Variants in SEMA5B observed in about 807,000 individuals in gnomAD.
SEMA5B encodes the protein semaphorin-5B.
Under a neutral mutation model 135.0 loss-of-function variants are expected in SEMA5B, and 66 were observed. The ratio of observed to expected loss-of-function variants is 0.49; its 90% CI spans 0.40 to 0.60. The LOEUF (loss-of-function observed/expected upper bound fraction) is 0.60, where lower values mean the gene tolerates loss of function less well. Among genes scored for constraint, SEMA5B ranks in the 20% least tolerant of loss-of-function variants. SEMA5B has a pLI of 0.00. For missense variants in SEMA5B, 1,501 were observed against 1,566.3 expected (o/e 0.96, Z 0.70); for synonymous variants, 690 against 639.5 (o/e 1.08, Z -1.19).
intron 1 of SEMA5B, among the ~76,000 whole-genome samples, chr3:122,971,236 C>T (rs1941100970): frequency 6.6e-6 from 1 of 152,222 alleles, no homozygotes. Flanking sequence ...TGGCAGGAAC[C>T]ATGTCTGTTT....
At chr3:122,916,685 G>A (rs1164262015) in intron 12 of SEMA5B, among the ~76,000 whole-genome samples, 1 of 152,144 alleles carries the variant, frequency 6.6e-6, no homozygotes, top group Non-Finnish European at 1.5e-5. Flanking sequence ...CACTGAATAT[G>A]AGCCCATCCC....
Position 122,935,695 on chromosome 3 carries a change from T to C in SEMA5B, c.474+3730A>G, listed in dbSNP as rs1317827282. On this transcript the variant is annotated intron_variant, in intron 5 of 22. Transcript: ENST00000357599. ...TTCTTTTTCTTTCTTTCTTTTTTTTTTTTTTTTTTTTTTTTGACAGATTCT... is the reference window on the plus strand; with the variant it reads ...TTCTTTTTCTTTCTTTCTTTTTTTTCTTTTTTTTTTTTTTTGACAGATTCT... 5.9e-3 allele frequency among the ~76,000 whole-genome samples: 782 copies of C among 133,164 alleles called. 2 individuals are homozygous for C. The highest frequency in any genetic ancestry group is 9.2e-3 in the Non-Finnish European group (578 of 62,520). 87.4% of individuals were successfully genotyped at this position (133,164 alleles called of 152,430 possible). A position where few individuals can be genotyped will look rare whatever the true frequency, so the allele number is the denominator to read the frequency against.
At chr3:122,977,982 G>C (rs572421785) in intron 1 of SEMA5B, among the ~76,000 whole-genome samples, 1 of 152,370 alleles carries the variant, frequency 6.6e-6, no homozygotes, top group South Asian at 2.1e-4. Flanking sequence ...ATCTGAGCCA[G>C]GGCCAGACCA....
At chr3:123,002,304 C>T (rs1230769799) in intron 1 of SEMA5B, among the ~76,000 whole-genome samples, 4 of 152,158 alleles carry the variant, frequency 2.6e-5, no homozygotes, top group African/African-American at 9.7e-5. Flanking sequence ...TCCAAAGGAG[C>T]CTGCCAGTCT....
intron 1 of SEMA5B, among the ~76,000 whole-genome samples, chr3:122,974,280 T>C (rs1196797500): frequency 6.6e-6 from 1 of 152,150 alleles, no homozygotes; most frequent in Non-Finnish European, 1.5e-5. Flanking sequence ...CATTGCCAGG[T>C]GAGCCCCCTC....
At chr3:122,974,361 G>A (rs950767935) in intron 1 of SEMA5B, among the ~76,000 whole-genome samples, 1 of 152,242 alleles carries the variant, frequency 6.6e-6, no homozygotes, top group Non-Finnish European at 1.5e-5. Context: ...CACCACTACT[G>A]CCCCAGACAT....
intron 9 of SEMA5B, 148 bp downstream of exon 9, chr3:122,926,244 G>A (rs1474816186): frequency 5.3e-6 from 4 of 752,060 alleles, no homozygotes; most frequent in South Asian, 1.9e-5. Context: ...CGAGCTTACC[G>A]CTCCAGAAGC....
At chr3:122,997,199 A>G (rs1413731274) in intron 1 of SEMA5B, among the ~76,000 whole-genome samples, 3 of 152,208 alleles carry the variant, frequency 2.0e-5, no homozygotes, top group African/African-American at 7.2e-5. Context: ...GCCGAGGCTC[A>G]GCGTGCCTGA....
At chr3:122,935,003 T>A (rs10934621) in intron 5 of SEMA5B, among the ~76,000 whole-genome samples, 147,144 of 152,306 alleles carry the variant, frequency 0.97, 71,270 homozygotes, top group East Asian at 1. Context: ...ATGATTGACC[T>A]TGAGCTGATA....
At position 123,009,208 on chromosome 3, in the gene SEMA5B, C is replaced by CAGGATG. The variant is rs1942382579; in HGVS notation, c.-39+18255_-39+18256insCATCCT. ...ATCAATGCACCCACACTCCACTCTC[C>CAGGATG]ACTCTCTGGAGAGGGGTTCTCAGTG... On this transcript the variant is annotated intron_variant, in intron 1 of 22. Coordinates refer to ENST00000357599, the MANE Select transcript of SEMA5B (RefSeq NM_001031702.4). Among the ~76,000 whole-genome samples, 3 of 152,160 alleles carry CAGGATG rather than the reference C, an allele frequency of 2.0e-5. No individual in the cohort carries two copies. The South Asian group carries it at 6.2e-4, about 32-fold the overall frequency.
chr3:122,943,656 G>GGTCT, intron 3 of SEMA5B, 121 bp from the exon 4 acceptor site: 7 of 677,698 alleles, frequency 1.0e-5, no homozygotes, highest in Non-Finnish European at 1.5e-5. Flanking sequence ...GCACCCGGGA[G>GGTCT]ACCTGGTGCC....
At chr3:122,929,167 A>T in intron 5 of SEMA5B, 109 bp from the exon 6 acceptor site, 3 of 1,073,784 alleles carry the variant, frequency 2.8e-6, no homozygotes, top group Non-Finnish European at 4.1e-6. Context: ...TGAAGCTGTG[A>T]AGGAGGGCTG....
In SEMA5B at chr3:122,910,885, G is replaced by C; in HGVS notation, c.3252C>G (p.Gly1084=). The stretch of plus-strand genomic sequence containing the variant: ...ACTTTTCATTCTTCGGGGTGCCTCC[G>C]CCCTTGTAGTGCAAATGGTTGGGGG... The part of the protein sequence containing the change: ...PATPNHLHYK[G]GGTPKNEKYT... Residue 1084 remains glycine, a synonymous_variant, in exon 22 of 23, where the codon GGC becomes GGG. Coordinates refer to ENST00000357599, the MANE Select transcript of SEMA5B (RefSeq NM_001031702.4). The C allele has an allele frequency of 6.2e-7, 1 of 1,612,650 alleles. No individual in the cohort carries two copies. The highest frequency in any genetic ancestry group is 8.5e-7 in the Non-Finnish European group (1 of 1,179,774).
chr3:123,004,402 A>AC (rs1229316558), intron 1 of SEMA5B, among the ~76,000 whole-genome samples: 1 of 152,168 alleles, frequency 6.6e-6, no homozygotes, highest in Non-Finnish European at 1.5e-5. Flanking sequence ...TGTCCCATAC[A>AC]CCCCACTGAA....
rs766204802 is a variant in SEMA5B, at chr3:122,913,815, CCCGGTTAGTCTGGGA to C, written c.2132+28_2132+42del. 1.9e-6 allele frequency: 3 copies of C among 1,567,570 alleles called. No individual in the cohort carries two copies. In the Admixed American group the frequency reaches 5.4e-5, roughly 28 times the overall value. On this transcript the variant is annotated intron_variant, in intron 15 of 22. Transcript: ENST00000357599. ...AGAATCCAGGCCACTTTCTGGGGGG[CCCGGTTAGTCTGGGA>C]CCTCAGAGCAAGCCTGTTCTCCCTC...
intron 1 of SEMA5B, among the ~76,000 whole-genome samples, chr3:123,020,544 G>A (rs73859435): frequency 0.012 from 1,832 of 152,298 alleles, 38 homozygotes; most frequent in African/African-American, 0.04. Context: ...AGCTATAGCT[G>A]GTGCCCATTA....
chr3:123,026,791 C>A (rs1274614000), intron 1 of SEMA5B, among the ~76,000 whole-genome samples: 1 of 152,248 alleles, frequency 6.6e-6, no homozygotes, highest in Non-Finnish European at 1.5e-5. Flanking sequence ...CGCTCGCGTC[C>A]CTGCTTCCAG....
chr3:122,958,724 G>A (rs1940445196), intron 2 of SEMA5B, among the ~76,000 whole-genome samples: 1 of 152,148 alleles, frequency 6.6e-6, no homozygotes, highest in Admixed American at 6.5e-5. Flanking sequence ...GCAGAGGGAG[G>A]AAAGCCTTCC....
intron 1 of SEMA5B, among the ~76,000 whole-genome samples, chr3:122,964,907 C>G (rs368572902): frequency 5.9e-5 from 9 of 152,286 alleles, no homozygotes; most frequent in African/African-American, 1.4e-4. Context: ...TTCTCCCTCC[C>G]TTTAACTTTC....
Sources: gnomAD v4.1 joint callset for allele counts (sites outside exome capture counted in the v4.1 genomes callset) on GRCh38, gnomAD v4.1.1 for gene constraint, MANE v1.5 for transcripts, NCBI Gene and HGNC (gene_info 2026-07-23, HGNC 2026-07-21) for gene names.